The following TYK2 variants were observed in gnomAD, a reference collection of about 807,000 sequenced individuals.
The protein encoded by TYK2 is non-receptor tyrosine-protein kinase TYK2.
In TYK2, 65 loss-of-function variants were observed where a neutral mutation model predicts 130.9. That is an observed-to-expected ratio of 0.50 (90% confidence interval 0.41 to 0.61). The LOEUF is 0.61. Ranked by LOEUF, TYK2 falls within the 20% of genes least tolerant of loss-of-function variation. The probability of loss-of-function intolerance (pLI) is 0.00; values close to 1 mark genes in which losing one functional copy is unlikely to be tolerated. For missense variants in TYK2, 1,378 were observed against 1,610.7 expected (o/e 0.86, Z 2.47); for synonymous variants, 647 against 658.9 (o/e 0.98, Z 0.28).
At position 10,353,864 on chromosome 19, in the gene TYK2, C is replaced by T. The variant is rs12720358; in HGVS notation, c.2908+178G>A. 0.017 allele frequency: 12,423 copies of T among 748,004 alleles called. 140 individuals are homozygous for T. Among genetic ancestry groups the T allele is most frequent in the Middle Eastern group, 0.023 (61 of 2,694 alleles). 46.3% of individuals were successfully genotyped at this position (748,004 alleles called of 1,614,324 possible). A position where few individuals can be genotyped will look rare whatever the true frequency, so the allele number is the denominator to read the frequency against. On this transcript the variant is annotated intron_variant, in intron 20 of 24. Coordinates refer to ENST00000525621, the MANE Select transcript of TYK2 (RefSeq NM_003331.5). This position sits in a 1 kb window ranked among gnomAD's most constrained non-coding sequence, Gnocchi z 6.9. ...TCCATCCTGGCCCCAGCAGGTAGCACCCCCCAGATGGGAAGGAGGCAGCCC... is the reference window on the plus strand; with the variant it reads ...TCCATCCTGGCCCCAGCAGGTAGCATCCCCCAGATGGGAAGGAGGCAGCCC...
rs1599370160 is a variant in TYK2, at chr19:10,378,342, A to G, written c.65T>C (p.Met22Thr). The G allele has an allele frequency of 6.2e-6, 10 of 1,612,676 alleles. No individual in the cohort carries two copies. Among genetic ancestry groups the G allele is most frequent in the Non-Finnish European group, 8.5e-6 (10 of 1,179,930 alleles). The stretch of plus-strand genomic sequence containing the variant: ...CACCTTCAGGCCTCCCATGGCAGCC[A>G]TGGGCTGGGCTCCATCCCCAACGGG... ...SKPVGDGAQP[M>T]AAMGGLKVLL... Residue 22 changes from methionine (M) to threonine (T), a missense_variant, in exon 3 of 25, where the codon ATG becomes ACG. Met to Thr is a moderately conservative substitution (Grantham distance 81). Coordinates refer to ENST00000525621, the MANE Select transcript of TYK2 (RefSeq NM_003331.5).
In TYK2 at chr19:10,373,331, C is replaced by T. The variant is rs1020584234; in HGVS notation, c.193+4883G>A. On this transcript the variant is annotated intron_variant, in intron 3 of 24. Transcript: ENST00000525621. ...AGGATTACAAGTGTGAGCTACGGCA[C>T]CTGGCCAATGTTTCATATTTTTGTT... Among the ~76,000 whole-genome samples the T allele has an allele frequency of 4.0e-5, 6 of 151,532 alleles. No individual in the cohort carries two copies. The Admixed American group carries it at 4.0e-4, about 10-fold the overall frequency.
rs546402387 is a variant in TYK2, at chr19:10,357,809, G to C, written c.2421C>G (p.Ile807Met). The C allele has an allele frequency of 3.1e-6, 5 of 1,613,392 alleles. No homozygotes were observed. The highest frequency in any genetic ancestry group is 4.2e-6 in the Non-Finnish European group (5 of 1,179,936). The change falls in exon 17 of 25, where the codon ATC becomes ATG. Residue 807 changes from isoleucine to methionine, a missense_variant. Coordinates refer to ENST00000525621, the MANE Select transcript of TYK2 (RefSeq NM_003331.5). The stretch of plus-strand genomic sequence containing the variant: ...GCAGAGGGGCCTCTCCGTCAAAGCA[G>C]ATCTCCAGGAGGGTGGCGCCAAACC... ...KWGFGATLLEICFDGEAPLQS... is the reference protein window; with the variant it reads ...KWGFGATLLEMCFDGEAPLQS...
chr19:10,350,971 A>G lies in TYK2; in HGVS notation c.3430-3T>C, dbSNP rs1263876335. 1.9e-6 allele frequency: 3 copies of G among 1,614,220 alleles called. No individual in the cohort carries two copies. Among genetic ancestry groups the G allele is most frequent in the Admixed American group, 3.3e-5 (2 of 60,020 alleles). On this transcript the variant is annotated splice_region_variant and splice_polypyrimidine_tract_variant and intron_variant, in intron 24 of 24. Transcript: ENST00000525621. ...CAGTTCTTCATGAGATGATAGACCT[A>G]GAAGGAAAAACCAGGGCTGGTGGGG...
intron 3 of TYK2, among the ~76,000 whole-genome samples, chr19:10,372,475 T>TAC (rs2041951532): frequency 1.4e-5 from 1 of 70,304 alleles, no homozygotes; most frequent in South Asian, 4.2e-4. Context: ...TATATATATA[T>TAC]ATATATATAT....
At chr19:10,367,985 G>A in intron 5 of TYK2, 70 bp downstream of exon 5, 1 of 1,569,526 alleles carries the variant, frequency 6.4e-7, no homozygotes, top group Non-Finnish European at 8.8e-7. Context: ...AATCAGGGAG[G>A]GAAATGGGGG....
Position 10,376,007 on chromosome 19 carries a change from CT to C in TYK2, c.193+2206del, listed in dbSNP as rs898207480. On this transcript the variant is annotated intron_variant, in intron 3 of 24. Coordinates refer to ENST00000525621, the MANE Select transcript of TYK2 (RefSeq NM_003331.5). ...GCAGGAGGAGGGAAAGCCTTTCTTT[CT>C]TTTTTTTTTTTTTTTTTCTTTGAGA... Among the ~76,000 whole-genome samples, 560 of 134,602 alleles carry C rather than the reference CT, an allele frequency of 4.2e-3. 9 individuals are homozygous for C. Among genetic ancestry groups the C allele is most frequent in the South Asian group, 0.032 (135 of 4,206 alleles). The allele number at this position is 134,602 out of a possible 152,430, so 88.3% of individuals were successfully genotyped here.
intron 19 of TYK2, 87 bp from the exon 20 acceptor site, chr19:10,354,321 G>T: frequency 6.6e-7 from 1 of 1,526,574 alleles, no homozygotes; most frequent in Non-Finnish European, 9.0e-7. Context: ...ACTCCTCCAG[G>T]CAGATCCTTT....
chr19:10,362,383 T>G lies in TYK2; in HGVS notation c.1550A>C (p.Glu517Ala). 6.2e-7 allele frequency: 1 copy of G among 1,613,720 alleles called. No individual in the cohort carries two copies. The highest frequency in any genetic ancestry group is 1.3e-5 in the African/African-American group (1 of 74,958). ...GCTGGGGAAGGACCGGCCCCAGCCC[T>G]CCAGCACGAAGGCCCCGTCCTGCTG... ...IEQQDGAFVL[E>A]GWGRSFPSVR... Residue 517 changes from glutamate (E) to alanine (A), a missense_variant, in exon 11 of 25, where the codon GAG (glutamate) becomes GCG (alanine). Coordinates refer to ENST00000525621, the MANE Select transcript of TYK2 (RefSeq NM_003331.5).
intron 3 of TYK2, among the ~76,000 whole-genome samples, chr19:10,375,687 C>A (rs546294128): frequency 6.7e-6 from 1 of 149,408 alleles, no homozygotes; most frequent in Admixed American, 6.8e-5. Context: ...AGGGCCGAGG[C>A]GGGCAGATCA....
Position 10,361,770 on chromosome 19 carries a change from C to T in TYK2, c.1959G>A (p.Leu653=), listed in dbSNP as rs1412239287. ...VLDPSHHDIA[L]AFYETASLMS... is the part of the protein sequence containing the mutation. ...CCCAGGCCTGGCCCTGCCCACTCAC[C>T]AGGGCGATGTCATGGTGACTAGGGT... Residue 653 remains leucine (L), a splice_region_variant and synonymous_variant, in exon 13 of 25, where the codon CTG becomes CTA. Coordinates refer to ENST00000525621, the MANE Select transcript of TYK2 (RefSeq NM_003331.5). This position sits in a 1 kb window ranked among gnomAD's most constrained non-coding sequence, Gnocchi z 4.0. 7 of 1,613,246 alleles carry T rather than the reference C, an allele frequency of 4.3e-6. No homozygotes were observed. In the African/African-American group the frequency reaches 8.0e-5, roughly 18 times the overall value.
At position 10,362,453 on chromosome 19, in the gene TYK2, G is replaced by A. The variant is rs1237503748; in HGVS notation, c.1480C>T (p.Pro494Ser). 6.3e-7 allele frequency: 1 copy of A among 1,599,012 alleles called. No homozygotes were observed. Among genetic ancestry groups the A allele is most frequent in the East Asian group, 2.3e-5 (1 of 44,292 alleles). Reference sequence around the variant, plus strand: ...AGCCGCAAGCTCTGCATGCCGTCTGGTGCCTGGCAGGAGGTGGCAGAGGTG... The same window carrying A: ...AGCCGCAAGCTCTGCATGCCGTCTGATGCCTGGCAGGAGGTGGCAGAGGTG... ...ILTVAQRSQA[P>S]DGMQSLRLRK... The change falls in exon 11 of 25, where the codon CCA becomes TCA. Residue 494 changes from proline to serine, a missense_variant. Coordinates refer to ENST00000525621, the MANE Select transcript of TYK2 (RefSeq NM_003331.5).
At position 10,364,707 on chromosome 19, in the gene TYK2, C is replaced by T. The variant is rs150601734; in HGVS notation, c.1274G>A (p.Arg425His). The T allele has an allele frequency of 9.3e-6, 15 of 1,613,580 alleles. 1 individual carries two copies. The highest frequency in any genetic ancestry group is 5.0e-5 in the Admixed American group (3 of 59,992). The change falls in exon 9 of 25, where the codon CGC (arginine) becomes CAC (histidine). Residue 425 changes from arginine (R) to histidine (H), a missense_variant. Coordinates refer to ENST00000525621, the MANE Select transcript of TYK2 (RefSeq NM_003331.5). This position sits in a 1 kb window ranked among gnomAD's most constrained non-coding sequence, Gnocchi z 4.9. Reference protein sequence around the residue: ...SFVSLVDGYFRLTADSSHYLC... With the variant: ...SFVSLVDGYFHLTADSSHYLC... ...GTAGTGGCTGGAGTCGGCCGTCAGGCGGAAATAGCCGTCCACCAGCGACAC... is the reference window on the plus strand; with the variant it reads ...GTAGTGGCTGGAGTCGGCCGTCAGGTGGAAATAGCCGTCCACCAGCGACAC...
At chr19:10,374,876 TC>T (rs957890789) in intron 3 of TYK2, among the ~76,000 whole-genome samples, 1 of 149,232 alleles carries the variant, frequency 6.7e-6, no homozygotes, top group Non-Finnish European at 1.5e-5. Context: ...GAGCGAGACT[TC>T]GTTTCAAAAA....
chr19:10,351,470 A>T, intron 23 of TYK2: 1 of 353,542 alleles, frequency 2.8e-6, no homozygotes, highest in Non-Finnish European at 5.5e-6. Flanking sequence ...CTGGGATACA[A>T]GTGTGAAACT....
chr19:10,354,338 A>AC (rs1568327873), intron 19 of TYK2, 104 bp from the exon 20 acceptor site: 2 of 1,450,060 alleles, frequency 1.4e-6, no homozygotes, highest in South Asian at 2.3e-5. Context: ...CTTTCGGAAT[A>AC]CCCCAGGCCC....
intron 14 of TYK2, among the ~76,000 whole-genome samples, chr19:10,359,799 G>A (rs1003391138): frequency 1.3e-5 from 2 of 151,902 alleles, no homozygotes; most frequent in Non-Finnish European, 2.9e-5. Context: ...TCAATATGGT[G>A]AAACCCCAAC....
At chr19:10,378,894 G>A (rs1304803378) in intron 2 of TYK2, among the ~76,000 whole-genome samples, 2 of 149,526 alleles carry the variant, frequency 1.3e-5, no homozygotes, top group East Asian at 3.9e-4. Context: ...TTGAGACAGA[G>A]TTTCACTCTT....
chr19:10,352,437 G>T lies in TYK2; in HGVS notation c.3315C>A (p.Pro1105=), dbSNP rs373614901. 9.2e-5 allele frequency: 148 copies of T among 1,602,888 alleles called. No individual in the cohort carries two copies. Among genetic ancestry groups the T allele is most frequent in the Non-Finnish European group, 1.2e-4 (141 of 1,171,172 alleles). Reference sequence around the variant, plus strand: ...GGGCTGCGGGCCTGGCTCTCACCGTGGGGGGGCTCTGGCTGGAGTCACAGT... The same window carrying T: ...GGGCTGCGGGCCTGGCTCTCACCGTTGGGGGGCTCTGGCTGGAGTCACAGT... ...LTHCDSSQSP[P]TKFLELIGIA... is the part of the protein sequence containing the mutation. The change falls in exon 23 of 25, where the codon CCC becomes CCA. Residue 1105 remains proline (P), a synonymous_variant. Transcript: ENST00000525621.
Sources: allele counts gnomAD v4.1 joint callset (sites outside exome capture counted in the v4.1 genomes callset), GRCh38; gene constraint gnomAD v4.1.1; non-coding constraint Gnocchi (gnomAD v3.1); transcripts MANE v1.5; gene names NCBI Gene and HGNC (gene_info 2026-07-23, HGNC 2026-07-21).